Variants in XKR9 observed in about 807,000 individuals in gnomAD.
XKR9 encodes the protein XK-related protein 9.
A neutral mutation model predicts 32.0 loss-of-function variants in XKR9; 32 were observed. The observed-to-expected ratio is 1.00, with a 90% confidence interval of 0.76 to 1.34. The LOEUF (loss-of-function observed/expected upper bound fraction) is 1.34, where lower values mean the gene tolerates loss of function less well. XKR9 is among the 40% of genes most tolerant of loss of function. The pLI, the probability that XKR9 is intolerant of heterozygous loss-of-function variation, is 0.00. For synonymous variants in XKR9, 168 were observed against 143.4 expected (o/e 1.17, Z -1.22); for missense variants, 546 against 429.7 (o/e 1.27, Z -2.39).
intron 3 of XKR9, among the ~76,000 whole-genome samples, chr8:70,689,564 G>A (rs911948208): frequency 6.6e-6 from 1 of 150,756 alleles, no homozygotes; most frequent in African/African-American, 2.4e-5. Flanking sequence ...TTGCATACAT[G>A]TAAAGTGACA....
the XKR9 span, among the ~76,000 whole-genome samples, chr8:71,052,602 T>C: frequency 1.3e-5 from 2 of 152,212 alleles, no homozygotes. Flanking sequence ...CAGTCAGTAT[T>C]CAAGCAGGCA....
the XKR9 span, among the ~76,000 whole-genome samples, chr8:70,854,283 A>G: frequency 5.9e-5 from 9 of 152,280 alleles, no homozygotes; most frequent in East Asian, 1.9e-4. Flanking sequence ...GCCAGTGATG[A>G]TGAGCATTTT....
the XKR9 span, among the ~76,000 whole-genome samples, chr8:71,055,626 C>T: frequency 6.6e-6 from 1 of 152,148 alleles, no homozygotes; most frequent in Admixed American, 6.5e-5. Flanking sequence ...CTACTTCCTA[C>T]AGTAATATGG....
chr8:70,733,136 T>A (rs1259529959), intron 4 of XKR9, among the ~76,000 whole-genome samples: 1 of 152,156 alleles, frequency 6.6e-6, no homozygotes, highest in Non-Finnish European at 1.5e-5. Context: ...AAGAGAGTGG[T>A]AATTAACTTA....
the XKR9 span, among the ~76,000 whole-genome samples, chr8:70,881,909 T>C: frequency 6.6e-6 from 1 of 152,142 alleles, no homozygotes. Flanking sequence ...ATGTGGCACA[T>C]ACACCATGGA....
chr8:70,976,059 A>G, the XKR9 span, among the ~76,000 whole-genome samples: 1 of 152,216 alleles, frequency 6.6e-6, no homozygotes, highest in South Asian at 2.1e-4. Context: ...TTATTTGTGT[A>G]TAAGAATGCT....
chr8:70,849,482 T>A, the XKR9 span, among the ~76,000 whole-genome samples: 2 of 152,286 alleles, frequency 1.3e-5, no homozygotes, highest in Non-Finnish European at 2.9e-5. Context: ...AGAGTGAAAT[T>A]TATAGCACTA....
At chr8:70,987,733 C>T in the XKR9 span, among the ~76,000 whole-genome samples, 5 of 152,182 alleles carry the variant, frequency 3.3e-5, no homozygotes, top group Non-Finnish European at 2.9e-5. Flanking sequence ...AGGCAGTGCC[C>T]CAGTAGGAAT....
At chr8:70,756,932 G>C (rs1409482730) in intron 2 of XKR9, among the ~76,000 whole-genome samples, 1 of 152,134 alleles carries the variant, frequency 6.6e-6, no homozygotes, top group Non-Finnish European at 1.5e-5. Flanking sequence ...TTATCTTAAG[G>C]GGAAGCATCC....
At chr8:70,974,601 C>T in the XKR9 span, among the ~76,000 whole-genome samples, 1 of 152,282 alleles carries the variant, frequency 6.6e-6, no homozygotes, top group Non-Finnish European at 1.5e-5. Context: ...CATAGTATTC[C>T]ATGGTGTATA....
At chr8:70,904,306 T>C in the XKR9 span, among the ~76,000 whole-genome samples, 1 of 152,220 alleles carries the variant, frequency 6.6e-6, no homozygotes. Flanking sequence ...GCTCCTGTAT[T>C]GGGTGCATGT....
chr8:70,853,712 G>A, the XKR9 span, among the ~76,000 whole-genome samples: 1 of 151,970 alleles, frequency 6.6e-6, no homozygotes, highest in Non-Finnish European at 1.5e-5. Flanking sequence ...GGTGTGTGAT[G>A]TTCCCCTTCC....
chr8:71,056,878 G>A, the XKR9 span, among the ~76,000 whole-genome samples: 2 of 152,020 alleles, frequency 1.3e-5, no homozygotes, highest in Non-Finnish European at 2.9e-5. Flanking sequence ...GAAATTGAGA[G>A]GATTTCCCCA....
At chr8:70,702,540 A>T (rs964239263) in intron 3 of XKR9, among the ~76,000 whole-genome samples, 1 of 152,260 alleles carries the variant, frequency 6.6e-6, no homozygotes, top group Non-Finnish European at 1.5e-5. Flanking sequence ...TCAACTGAGA[A>T]TGCGGATTTA....
chr8:70,789,085 A>C (rs923940747), intron 2 of XKR9, among the ~76,000 whole-genome samples: 2 of 152,080 alleles, frequency 1.3e-5, no homozygotes, highest in Non-Finnish European at 2.9e-5. Context: ...CAGTGATCTC[A>C]TGACTAACTA....
the XKR9 span, among the ~76,000 whole-genome samples, chr8:70,928,384 TG>T: frequency 5.9e-5 from 9 of 152,200 alleles, no homozygotes; most frequent in Non-Finnish European, 1.0e-4. Context: ...GTTGACCCTG[TG>T]GTCTTGCCAT....
the XKR9 span, among the ~76,000 whole-genome samples, chr8:70,855,196 TTTGA>T: frequency 9.2e-5 from 14 of 151,998 alleles, no homozygotes; most frequent in South Asian, 2.7e-3. Context: ...AAGGAGGAAG[TTTGA>T]ACCGATGGCA....
intron 4 of XKR9, among the ~76,000 whole-genome samples, chr8:70,725,732 C>G (rs1438276417): frequency 6.6e-6 from 1 of 152,026 alleles, no homozygotes; most frequent in South Asian, 2.1e-4. Context: ...ATTGTGAAAC[C>G]CTGTCTCTAC....
chr8:70,910,132 T>C, the XKR9 span, among the ~76,000 whole-genome samples: 1 of 151,556 alleles, frequency 6.6e-6, no homozygotes, highest in Non-Finnish European at 1.5e-5. Context: ...TCATTGTTGC[T>C]ATTGTACAGA....
Sources: allele counts gnomAD v4.1 joint callset (sites outside exome capture counted in the v4.1 genomes callset), GRCh38; gene constraint gnomAD v4.1.1; transcripts MANE v1.5; gene names NCBI Gene and HGNC (gene_info 2026-07-23, HGNC 2026-07-21).